The following ANKRD33B variants were observed in gnomAD, a reference collection of about 807,000 sequenced individuals.
ANKRD33B encodes ankyrin repeat domain 33B.
A neutral mutation model predicts 21.5 loss-of-function variants in ANKRD33B; 6 were observed. The ratio of observed to expected loss-of-function variants is 0.28; its 90% CI spans 0.15 to 0.55. The LOEUF (loss-of-function observed/expected upper bound fraction) is 0.55. ANKRD33B is among the 20% of genes least tolerant of loss of function. The probability of loss-of-function intolerance (pLI) is 0.94; values close to 1 mark genes in which losing one functional copy is unlikely to be tolerated. For missense variants in ANKRD33B, 698 were observed against 747.2 expected, an observed-to-expected ratio of 0.93 and a Z score of 0.77; for synonymous variants, 347 against 342.4, an observed-to-expected ratio of 1.01 and a Z score of -0.15.
chr5:10,594,960 T>C, intron 1 of ANKRD33B, among the ~76,000 whole-genome samples: 1 of 152,118 alleles, frequency 6.6e-6, no homozygotes, highest in East Asian at 1.9e-4. Context: ...GGGATTTCAC[T>C]CCCCGGGTGA....
At position 10,652,923 on chromosome 5, in the gene ANKRD33B, G is replaced by A. The variant is rs535394811; in HGVS notation, c.*2810G>A. 2.4e-4 allele frequency: 48 copies of A among 199,098 alleles called. No individual in the cohort carries two copies. The South Asian group carries it at 3.0e-3, about 12-fold the overall frequency. 12.3% of individuals were successfully genotyped at this position (199,098 alleles called of 1,614,324 possible). A position where few individuals can be genotyped will look rare whatever the true frequency, so the allele number is the denominator to read the frequency against. ...CACGGATTTCTTTGGCAAATCTGCA[G>A]GCGAGCTGACCACTTGCCTGGTGAG... On this transcript the variant is annotated 3_prime_UTR_variant, in exon 4 of 4. Coordinates refer to ENST00000296657, the MANE Select transcript of ANKRD33B (RefSeq NM_001164440.2). This position sits in a 1 kb window ranked among gnomAD's most constrained non-coding sequence, Gnocchi z 4.1.
chr5:10,649,885 CG>C lies in ANKRD33B; in HGVS notation c.1259del (p.Gly420ValfsTer156). The C allele has an allele frequency of 6.6e-7, 1 of 1,503,940 alleles. No individual in the cohort carries two copies. Among genetic ancestry groups the C allele is most frequent in the Non-Finnish European group, 8.8e-7 (1 of 1,132,296 alleles). 93.2% of individuals were successfully genotyped at this position (1,503,940 alleles called of 1,614,324 possible). A position where few individuals can be genotyped will look rare whatever the true frequency, so the allele number is the denominator to read the frequency against. ...QRLRRRSVRPGVVVPRVRVSK... is the reference protein window; with the variant it reads ...QRLRRRSVRPXVVVPRVRVSK... ...GCCTGCGGCGGAGAAGCGTGCGGCC[CG>C]GTGTGGTGGTGCCCCGGGTCCGAGT... On this transcript the variant is annotated frameshift_variant, in exon 4 of 4. Coordinates refer to ENST00000296657, the MANE Select transcript of ANKRD33B (RefSeq NM_001164440.2). LOFTEE classifies it high-confidence loss of function.
intron 1 of ANKRD33B, among the ~76,000 whole-genome samples, chr5:10,594,998 G>A (rs1735787935): frequency 6.6e-6 from 1 of 152,108 alleles, no homozygotes; most frequent in African/African-American, 2.4e-5. Context: ...GGCCAGTCCT[G>A]GGCTTTTCCT....
intron 1 of ANKRD33B, among the ~76,000 whole-genome samples, chr5:10,611,740 C>G (rs183189360): frequency 6.6e-6 from 1 of 152,340 alleles, no homozygotes; most frequent in Non-Finnish European, 1.5e-5. Context: ...AACAATCACA[C>G]TTGGGGAGTG....
rs367896926 is a variant in ANKRD33B at position 10,584,726 on chromosome 5, G to T, written c.366+19893G>T. ...GGACAGAATGCCAGACAGAAATGGA[G>T]ATTGCTGCTGAAGTGGAGCTTACGT... is the stretch of plus-strand genomic sequence containing the variant. On this transcript the variant is annotated intron_variant, in intron 1 of 3. Transcript: ENST00000296657. 1.9e-4 allele frequency among the ~76,000 whole-genome samples: 29 copies of T among 152,320 alleles called. No homozygotes were observed. In the South Asian group the frequency reaches 5.2e-3, roughly 27 times the overall value.
chr5:10,623,026 C>A lies in ANKRD33B; in HGVS notation c.496+4564C>A, dbSNP rs532572990. Among the ~76,000 whole-genome samples the A allele has an allele frequency of 5.3e-5, 8 of 152,204 alleles. No homozygotes were observed. The South Asian group carries it at 1.7e-3, about 32-fold the overall frequency. ...TCGGGTCCAGGTGCAGGCCCCGCAG[C>A]CACTCCCCTCCTGGGCTGTGTAGTT... On this transcript the variant is annotated intron_variant, in intron 2 of 3. Transcript: ENST00000296657.
chr5:10,615,657 T>C (rs1478725245), intron 1 of ANKRD33B, among the ~76,000 whole-genome samples: 1 of 152,264 alleles, frequency 6.6e-6, no homozygotes, highest in Non-Finnish European at 1.5e-5. Flanking sequence ...TTTTCTTCTC[T>C]TTAATTTTTG....
chr5:10,627,250 G>A (rs547546985), intron 2 of ANKRD33B: 14 of 152,300 alleles, frequency 9.2e-5, no homozygotes, highest in South Asian at 4.1e-4. Context: ...AAAGGAACAA[G>A]AAGTCCCATG....
chr5:10,637,464 G>A (rs59642239), intron 2 of ANKRD33B, among the ~76,000 whole-genome samples: 1 of 50,088 alleles, frequency 2.0e-5, no homozygotes, highest in Non-Finnish European at 4.1e-5. Flanking sequence ...ACACACACAC[G>A]GCGGCGGGGG....
At chr5:10,595,343 A>T (rs921291496) in intron 1 of ANKRD33B, among the ~76,000 whole-genome samples, 1 of 152,078 alleles carries the variant, frequency 6.6e-6, no homozygotes, top group African/African-American at 2.4e-5. Context: ...TGGGGGGCAG[A>T]TGTCTGAAGT....
intron 1 of ANKRD33B, among the ~76,000 whole-genome samples, chr5:10,586,534 T>A (rs1735566470): frequency 7.0e-6 from 1 of 141,876 alleles, no homozygotes; most frequent in African/African-American, 2.7e-5. Flanking sequence ...TGTGTGTGTG[T>A]ATACTGCTTT....
chr5:10,588,634 G>T (rs1466909184), intron 1 of ANKRD33B, among the ~76,000 whole-genome samples: 1 of 152,146 alleles, frequency 6.6e-6, no homozygotes, highest in Non-Finnish European at 1.5e-5. Flanking sequence ...TGTAACTTTT[G>T]GCCAGAAGTT....
chr5:10,600,634 C>T (rs1422005561), intron 1 of ANKRD33B, among the ~76,000 whole-genome samples: 1 of 152,208 alleles, frequency 6.6e-6, no homozygotes, highest in African/African-American at 2.4e-5. Flanking sequence ...TTCTTGTATA[C>T]ATCTTCATGT....
intron 1 of ANKRD33B, among the ~76,000 whole-genome samples, chr5:10,582,101 C>T (rs1169448561): frequency 6.6e-6 from 1 of 152,202 alleles, no homozygotes; most frequent in Non-Finnish European, 1.5e-5. Flanking sequence ...AGTCTTCCCC[C>T]AGCATCTCCT....
At chr5:10,627,645 T>C (rs1736608106) in intron 2 of ANKRD33B, among the ~76,000 whole-genome samples, 1 of 152,230 alleles carries the variant, frequency 6.6e-6, no homozygotes, top group African/African-American at 2.4e-5. Context: ...CTCTTCATGT[T>C]ATTTATCTTA....
At chr5:10,569,597 A>AAAATAAATAAATAAATAAAT (rs56346529) in intron 1 of ANKRD33B, among the ~76,000 whole-genome samples, 3,700 of 148,328 alleles carry the variant, frequency 0.025, 72 homozygotes, top group African/African-American at 0.036. Flanking sequence ...CCCGTGTTTG[A>AAAATAAATAAATAAATAAAT]AAATAAATAA....
rs79200989 is a variant in ANKRD33B, at chr5:10,637,041, G to A, written c.497-987G>A. On this transcript the variant is annotated intron_variant, in intron 2 of 3. Coordinates refer to ENST00000296657, the MANE Select transcript of ANKRD33B (RefSeq NM_001164440.2). ...CAAGAGTCATGCGGCCCCCTGTGCC[G>A]ACTGTGCCAAGGCTGGGACGGACCC... Among the ~76,000 whole-genome samples, 796 of 152,326 alleles carry A rather than the reference G, an allele frequency of 5.2e-3. 5 individuals carry two copies. The highest frequency in any genetic ancestry group is 0.018 in the African/African-American group (760 of 41,570).
intron 2 of ANKRD33B, among the ~76,000 whole-genome samples, chr5:10,622,956 C>T (rs1431863803): frequency 6.6e-6 from 1 of 152,166 alleles, no homozygotes; most frequent in Non-Finnish European, 1.5e-5. Flanking sequence ...AGCTGATTTC[C>T]ATCCAGGCTC....
chr5:10,604,160 G>A (rs1233311937), intron 1 of ANKRD33B, among the ~76,000 whole-genome samples: 3 of 149,276 alleles, frequency 2.0e-5, no homozygotes, highest in African/African-American at 7.4e-5. Context: ...CCAGAGTGCT[G>A]GGATTACAGG....
Sources: gnomAD v4.1 joint callset for allele counts (sites outside exome capture counted in the v4.1 genomes callset) on GRCh38, gnomAD v4.1.1 for gene constraint, Gnocchi (gnomAD v3.1) non-coding constraint, MANE v1.5 for transcripts, NCBI Gene and HGNC (gene_info 2026-07-23, HGNC 2026-07-21) for gene names.